The following ATP2B4 variants were observed in gnomAD, a reference collection of about 807,000 sequenced individuals.
The protein encoded by ATP2B4 is plasma membrane calcium-transporting ATPase 4.
In ATP2B4, 39 loss-of-function variants were observed where a neutral mutation model predicts 110.3. The ratio of observed to expected loss-of-function variants is 0.35; its 90% confidence interval spans 0.27 to 0.46. The LOEUF (loss-of-function observed/expected upper bound fraction) is 0.46. ATP2B4 is among the 20% of genes least tolerant of loss of function. The pLI, the probability that ATP2B4 is intolerant of heterozygous loss-of-function variation, is 1.00. For synonymous variants in ATP2B4, 538 were observed against 571.7 expected (o/e 0.94, Z 0.84); for missense variants, 1,135 against 1,530.9 (o/e 0.74, Z 4.32).
chr1:203,723,752 C>T (rs1055735080), intron 18 of ATP2B4, 129 bp from the exon 19 acceptor site: 1 of 680,408 alleles, frequency 1.5e-6, no homozygotes, highest in Middle Eastern at 3.9e-4. Context: ...CCTTCCCCTG[C>T]AAGCAAATCG....
intron 20 of ATP2B4, chr1:203,729,714 G>GGCCA: frequency 7.4e-7 from 1 of 1,348,436 alleles, no homozygotes; most frequent in Non-Finnish European, 9.9e-7. Context: ...GTGCTTCCTG[G>GGCCA]GGAGCCCTGA....
At chr1:203,727,948 T>A (rs1369125245) in intron 20 of ATP2B4, among the ~76,000 whole-genome samples, 2 of 152,178 alleles carry the variant, frequency 1.3e-5, no homozygotes, top group African/African-American at 4.8e-5. Context: ...AGGAAGGAGT[T>A]AGACAATATC....
intron 1 of ATP2B4, among the ~76,000 whole-genome samples, chr1:203,669,423 TG>T (rs111847660): frequency 1.0e-4 from 15 of 149,376 alleles, no homozygotes; most frequent in African/African-American, 3.8e-4. Context: ...GGACTTTTTT[TG>T]GTTGTTGTTT....
At chr1:203,668,930 A>G (rs991081083) in intron 1 of ATP2B4, among the ~76,000 whole-genome samples, 1 of 152,220 alleles carries the variant, frequency 6.6e-6, no homozygotes, top group African/African-American at 2.4e-5. Context: ...AGTATGGGAT[A>G]ATAAAGTCAG....
chr1:203,653,885 C>G (rs1664071714), intron 1 of ATP2B4, among the ~76,000 whole-genome samples: 1 of 151,138 alleles, frequency 6.6e-6, no homozygotes, highest in East Asian at 2.0e-4. Context: ...TATGCTAAAT[C>G]TATTCTGCCT....
chr1:203,720,089 T>A lies in ATP2B4; in HGVS notation c.2407-460T>A, dbSNP rs191951654. On this transcript the variant is annotated intron_variant, in intron 15 of 20. Coordinates refer to ENST00000357681, the MANE Select transcript of ATP2B4 (RefSeq NM_001684.5). ...GTCTCAAATTTTTTTTTAATTTAAC[T>A]TAAAAGGAAAATTTTGAACAAAGAT... Among the ~76,000 whole-genome samples, 9 of 152,184 alleles carry A rather than the reference T, an allele frequency of 5.9e-5. No homozygotes were observed. The East Asian group carries it at 1.7e-3, about 29-fold the overall frequency.
At chr1:203,685,310 T>C (rs1357906976) in intron 2 of ATP2B4, among the ~76,000 whole-genome samples, 1 of 152,264 alleles carries the variant, frequency 6.6e-6, no homozygotes, top group African/African-American at 2.4e-5. Flanking sequence ...CACTTTAGTC[T>C]GGTTTTAGCA....
chr1:203,688,586 G>A (rs1665274972), intron 2 of ATP2B4, among the ~76,000 whole-genome samples: 1 of 152,100 alleles, frequency 6.6e-6, no homozygotes, highest in Non-Finnish European at 1.5e-5. Context: ...ACAGGCATGA[G>A]CCCTCATGCG....
chr1:203,736,942 T>A (rs908768801), intron 20 of ATP2B4, among the ~76,000 whole-genome samples: 7 of 152,212 alleles, frequency 4.6e-5, no homozygotes, highest in Non-Finnish European at 2.9e-5. Context: ...CCAAGCCAGC[T>A]GGTGCTCCCT....
chr1:203,666,144 C>T (rs1157663163), intron 1 of ATP2B4, among the ~76,000 whole-genome samples: 6 of 152,200 alleles, frequency 3.9e-5, no homozygotes, highest in African/African-American at 7.2e-5. Flanking sequence ...TAGAGCAGAG[C>T]GGTGAGCAAC....
At chr1:203,730,138 C>A (rs1371732893) in intron 20 of ATP2B4, among the ~76,000 whole-genome samples, 9 of 150,300 alleles carry the variant, frequency 6.0e-5, no homozygotes, top group Admixed American at 6.0e-4. Context: ...TCTTTCCTTT[C>A]CTTTTTTTAA....
intron 15 of ATP2B4, 103 bp from the exon 16 acceptor site, chr1:203,720,446 G>A: frequency 8.9e-7 from 1 of 1,128,406 alleles, no homozygotes; most frequent in Non-Finnish European, 1.2e-6. Context: ...TGACTAGTGT[G>A]CCCTGTAGTA....
At chr1:203,685,183 A>G (rs1381094805) in intron 2 of ATP2B4, among the ~76,000 whole-genome samples, 1 of 152,230 alleles carries the variant, frequency 6.6e-6, no homozygotes, top group Non-Finnish European at 1.5e-5. Flanking sequence ...AAAAACTTAA[A>G]AGATAATGAA....
intron 1 of ATP2B4, among the ~76,000 whole-genome samples, chr1:203,648,729 G>C (rs1663888346): frequency 1.3e-5 from 2 of 152,164 alleles, no homozygotes; most frequent in Non-Finnish European, 2.9e-5. Flanking sequence ...TTTGTCCCCT[G>C]GCCCATACCA....
chr1:203,727,601 G>A, intron 20 of ATP2B4, 30 bp downstream of exon 20: 1 of 1,608,834 alleles, frequency 6.2e-7, no homozygotes, highest in Non-Finnish European at 8.5e-7. Flanking sequence ...TCCTTCCCTT[G>A]GGAGAAGCAG....
At chr1:203,646,967 G>A (rs184586081) in intron 1 of ATP2B4, among the ~76,000 whole-genome samples, 61 of 152,036 alleles carry the variant, frequency 4.0e-4, no homozygotes, top group African/African-American at 1.4e-3. Flanking sequence ...AAACAAAATT[G>A]GGAACACGTT....
chr1:203,639,941 G>A lies in ATP2B4; in HGVS notation c.-465+12722G>A, dbSNP rs148124582. On this transcript the variant is annotated intron_variant, in intron 1 of 20. Coordinates refer to ENST00000357681, the MANE Select transcript of ATP2B4 (RefSeq NM_001684.5). ...AGCCTCTTAATCCCTATTTTCAGAG[G>A]CAATGTGGTATAAAGGATAAAGGAG... Among the ~76,000 whole-genome samples the A allele has an allele frequency of 9.5e-3, 1,452 of 152,214 alleles. 7 individuals are homozygous for A. The highest frequency in any genetic ancestry group is 0.014 in the Non-Finnish European group (975 of 68,010).
At chr1:203,729,714 G>C in intron 20 of ATP2B4, 1 of 1,348,436 alleles carries the variant, frequency 7.4e-7, no homozygotes, top group African/African-American at 1.5e-5. Context: ...GTGCTTCCTG[G>C]GGAGCCCTGA....
intron 8 of ATP2B4, 29 bp from the exon 9 acceptor site, chr1:203,706,980 G>T: frequency 6.2e-7 from 1 of 1,602,326 alleles, no homozygotes; most frequent in South Asian, 1.1e-5. Flanking sequence ...CCTCCAGCCT[G>T]GGTTCATATG....
Sources: gnomAD v4.1 joint callset for allele counts (sites outside exome capture counted in the v4.1 genomes callset) on GRCh38, gnomAD v4.1.1 for gene constraint, MANE v1.5 for transcripts, NCBI Gene and HGNC (gene_info 2026-07-23, HGNC 2026-07-21) for gene names.